NHEJ1: variants seen among roughly 807,000 people sequenced by gnomAD.
NHEJ1 encodes the protein non-homologous end-joining factor 1.
Under a neutral mutation model 39.4 loss-of-function variants are expected in NHEJ1, and 22 were observed. The observed-to-expected ratio is 0.56, with a 90% CI of 0.40 to 0.80. The LOEUF is 0.80. NHEJ1 is among the 30% of genes least tolerant of loss of function. The pLI is 0.00. For missense variants in NHEJ1, 329 were observed against 357.1 expected (o/e 0.92, Z 0.63); for synonymous variants, 154 against 135.6 (o/e 1.14, Z -0.94).
chr2:219,129,977 T>G (rs112288181), intron 5 of NHEJ1, among the ~76,000 whole-genome samples: 3 of 27,566 alleles, frequency 1.1e-4, no homozygotes, highest in African/African-American at 3.4e-4. Flanking sequence ...TTCTGTCCTG[T>G]TTTTTTTTTC....
In NHEJ1 at chr2:219,117,648, C is replaced by T. The variant is rs1949428543; in HGVS notation, c.588+29032G>A. On this transcript the variant is annotated intron_variant, in intron 5 of 7. Coordinates refer to ENST00000356853, the MANE Select transcript of NHEJ1 (RefSeq NM_024782.3). ...CACGAACTCAGAATCAGATCTGTCG[C>T]CTTCTTATGGGCTCCAAAGGGAAGT... Among the ~76,000 whole-genome samples the T allele has an allele frequency of 2.0e-5, 3 of 152,216 alleles. No individual in the cohort carries two copies. The South Asian group carries it at 6.2e-4, about 32-fold the overall frequency.
At chr2:219,140,002 TG>T (rs150368577) in intron 5 of NHEJ1, among the ~76,000 whole-genome samples, 2,939 of 152,348 alleles carry the variant, frequency 0.019, 102 homozygotes, top group African/African-American at 0.067. Flanking sequence ...CATTAAATTT[TG>T]GGACAATTTG....
chr2:219,076,975 T>A (rs769995696), intron 7 of NHEJ1, among the ~76,000 whole-genome samples: 1 of 152,180 alleles, frequency 6.6e-6, no homozygotes, highest in African/African-American at 2.4e-5. Context: ...TGACTATCAC[T>A]GGTCATCACT....
chr2:219,152,640 T>A (rs998191180), intron 3 of NHEJ1, among the ~76,000 whole-genome samples: 3 of 151,938 alleles, frequency 2.0e-5, no homozygotes, highest in Admixed American at 1.3e-4. Context: ...TTTATTTTTT[T>A]ATTTTTTTGT....
intron 5 of NHEJ1, among the ~76,000 whole-genome samples, chr2:219,092,056 A>G (rs1949164425): frequency 6.6e-6 from 1 of 152,204 alleles, no homozygotes; most frequent in Non-Finnish European, 1.5e-5. Flanking sequence ...GTTCTATGAT[A>G]CAGGTCTATG....
chr2:219,149,900 C>T (rs891938158), intron 3 of NHEJ1, among the ~76,000 whole-genome samples: 16 of 152,226 alleles, frequency 1.1e-4, no homozygotes, highest in African/African-American at 2.7e-4. Flanking sequence ...GTGTTCCAAC[C>T]GAGCTTTACA....
At position 219,075,057 on chromosome 2, in the gene NHEJ1, AAAG is replaced by A. The variant is rs1259477353; in HGVS notation, c.*1321_*1323del. ...AAGGAGGTTTACAGTGGGAGACTGG[AAAG>A]AAGAACCTAATGTCCTTTCTGGAAA... On this transcript the variant is annotated 3_prime_UTR_variant, in exon 8 of 8. Transcript: ENST00000356853. 6.6e-6 allele frequency among the ~76,000 whole-genome samples: 1 copy of A among 152,226 alleles called. No individual in the cohort carries two copies. The highest frequency in any genetic ancestry group is 1.5e-5 in the Non-Finnish European group (1 of 68,042).
intron 5 of NHEJ1, among the ~76,000 whole-genome samples, chr2:219,118,438 G>C (rs1012875013): frequency 6.6e-6 from 1 of 152,016 alleles, no homozygotes; most frequent in South Asian, 2.1e-4. Flanking sequence ...GTGCTCCCCA[G>C]AGCTCCGTTA....
At chr2:219,141,737 C>T (rs190808137) in intron 5 of NHEJ1, among the ~76,000 whole-genome samples, 17 of 152,068 alleles carry the variant, frequency 1.1e-4, no homozygotes, top group African/African-American at 4.1e-4. Flanking sequence ...TGGTATTCAG[C>T]GATGTACCAA....
At chr2:219,159,552 C>CATATATATATGCAT (rs747107160) in intron 1 of NHEJ1, among the ~76,000 whole-genome samples, 3 of 66,378 alleles carry the variant, frequency 4.5e-5, no homozygotes, top group East Asian at 5.8e-4. Context: ...TATATATATG[C>CATATATATATGCAT]ATATATATAT....
intron 5 of NHEJ1, among the ~76,000 whole-genome samples, chr2:219,114,160 A>G (rs1949389932): frequency 6.6e-6 from 1 of 152,264 alleles, no homozygotes; most frequent in Non-Finnish European, 1.5e-5. Flanking sequence ...TCCAGCAATT[A>G]GAAGTGACAT....
chr2:219,152,647 T>G (rs1331663677), intron 3 of NHEJ1, among the ~76,000 whole-genome samples: 1 of 151,930 alleles, frequency 6.6e-6, no homozygotes, highest in Non-Finnish European at 1.5e-5. Context: ...TTTTATTTTT[T>G]TGTAGCTATG....
In NHEJ1 at chr2:219,095,411, C is replaced by T. The variant is rs1007029461; in HGVS notation, c.589-17205G>A. On this transcript the variant is annotated intron_variant, in intron 5 of 7. Coordinates refer to ENST00000356853, the MANE Select transcript of NHEJ1 (RefSeq NM_024782.3). ...TAGTCCTGACTGTTAAAAGATCTCACCATCAAGTTCTTAGCATGTGTTTCT... is the reference window on the plus strand; with the variant it reads ...TAGTCCTGACTGTTAAAAGATCTCATCATCAAGTTCTTAGCATGTGTTTCT... 2.6e-5 allele frequency: 12 copies of T among 460,922 alleles called. 1 individual carries two copies. The highest frequency in any genetic ancestry group is 1.9e-4 in the South Asian group (12 of 63,778). 28.6% of individuals were successfully genotyped at this position (460,922 alleles called of 1,614,324 possible). A position where few individuals can be genotyped will look rare whatever the true frequency, so the allele number is the denominator to read the frequency against.
chr2:219,137,275 T>C (rs1949640727), intron 5 of NHEJ1, among the ~76,000 whole-genome samples: 2 of 152,122 alleles, frequency 1.3e-5, no homozygotes, highest in South Asian at 4.1e-4. Context: ...TTCTTTTATA[T>C]GCCCACGGTT....
intron 5 of NHEJ1, among the ~76,000 whole-genome samples, chr2:219,126,798 T>G (rs925312878): frequency 3.9e-5 from 6 of 152,206 alleles, no homozygotes; most frequent in African/African-American, 1.2e-4. Context: ...AAGTAACATA[T>G]TCACTGAAAT....
chr2:219,119,733 A>G (rs1214042366), intron 5 of NHEJ1, among the ~76,000 whole-genome samples: 2 of 152,214 alleles, frequency 1.3e-5, no homozygotes, highest in Non-Finnish European at 2.9e-5. Context: ...AATTTAATCT[A>G]AGAGAAGAGA....
At chr2:219,121,162 C>T (rs1020579034) in intron 5 of NHEJ1, among the ~76,000 whole-genome samples, 4 of 151,462 alleles carry the variant, frequency 2.6e-5, no homozygotes, top group Non-Finnish European at 5.9e-5. Flanking sequence ...GCCAAGAATG[C>T]GCCATTGCAC....
At position 219,072,268 on chromosome 2, in the gene NHEJ1, AC is replaced by A. The variant is rs1948964105; in HGVS notation, c.*4112del. 2.6e-5 allele frequency among the ~76,000 whole-genome samples: 4 copies of A among 151,784 alleles called. No homozygotes were observed. In the South Asian group the frequency reaches 6.2e-4, roughly 24 times the overall value. ...TTCCAGGGCATCAATGCAGCTGGGA[AC>A]CCCCCTCCTATAAAGTATGGGCTTC... is the stretch of plus-strand genomic sequence containing the variant. On this transcript the variant is annotated 3_prime_UTR_variant, in exon 8 of 8. Coordinates refer to ENST00000356853, the MANE Select transcript of NHEJ1 (RefSeq NM_024782.3).
intron 5 of NHEJ1, among the ~76,000 whole-genome samples, chr2:219,079,114 G>C (rs1340296724): frequency 6.6e-6 from 1 of 152,190 alleles, no homozygotes; most frequent in Non-Finnish European, 1.5e-5. Context: ...CATACACTTG[G>C]CTGAACTGCG....
Sources: allele counts gnomAD v4.1 joint callset (sites outside exome capture counted in the v4.1 genomes callset), GRCh38; gene constraint gnomAD v4.1.1; transcripts MANE v1.5; gene names NCBI Gene and HGNC (gene_info 2026-07-23, HGNC 2026-07-21).